The following LRRC27 variants were observed in gnomAD, a reference collection of about 807,000 sequenced individuals.
LRRC27 encodes the protein leucine-rich repeat-containing protein 27.
LRRC27 carries 57 observed loss-of-function variants against 55.0 expected under a neutral mutation model. The ratio of observed to expected loss-of-function variants is 1.04; its 90% CI spans 0.84 to 1.29. The LOEUF (loss-of-function observed/expected upper bound fraction) is 1.29. Ranked by LOEUF, LRRC27 falls within the 50% of genes most tolerant of loss-of-function variation. LRRC27 has a pLI of 0.00. For synonymous variants in LRRC27, 278 were observed against 251.9 expected (o/e 1.10, Z -0.98); for missense variants, 721 against 651.5 (o/e 1.11, Z -1.16).
chr10:132,330,135 A>C, upstream of LRRC27: 1 of 339,912 alleles, frequency 2.9e-6, no homozygotes, highest in Admixed American at 4.0e-5. Context: ...AAGGCTACCA[A>C]TGGATACAAT....
intron 1 of LRRC27, 158 bp downstream of exon 1, chr10:132,332,414 T>A (rs1427965050): frequency 6.6e-6 from 1 of 152,166 alleles, no homozygotes; most frequent in African/African-American, 2.4e-5. Context: ...GCCCAGAGCG[T>A]CGGACCCAAC....
At chr10:132,335,659 A>G (rs2067092307) in intron 2 of LRRC27, among the ~76,000 whole-genome samples, 1 of 151,602 alleles carries the variant, frequency 6.6e-6, no homozygotes, top group Non-Finnish European at 1.5e-5. Context: ...CTGGTTCCTC[A>G]TAGGCAGAGT....
chr10:132,351,651 C>T lies in LRRC27; in HGVS notation c.971C>T (p.Ser324Leu). 2 of 1,614,118 alleles carry T rather than the reference C, an allele frequency of 1.2e-6. No homozygotes were observed. The highest frequency in any genetic ancestry group is 1.7e-6 in the Non-Finnish European group (2 of 1,180,028). ...AGGAGCATCTTACCCGACCTCTTGT[C>T]ACCGTACCAAATGGCGATCCGAGCA... ...SSRSILPDLL[S>L]PYQMAIRAKR... Residue 324 changes from serine (S) to leucine (L), a missense_variant, in exon 7 of 11, where the codon TCA becomes TTA. Transcript: ENST00000368614.
intron 8 of LRRC27, among the ~76,000 whole-genome samples, chr10:132,358,175 G>A (rs1808368719): frequency 6.6e-6 from 1 of 152,238 alleles, no homozygotes; most frequent in Non-Finnish European, 1.5e-5. Context: ...CAAAAAGTAT[G>A]GCAGGCAGTC....
In LRRC27 at chr10:132,362,698, CCCTCTCACCTCACA is replaced by C. The variant is rs2068686864; in HGVS notation, c.1289+1124_1289+1137del. On this transcript the variant is annotated intron_variant, in intron 9 of 10. Transcript: ENST00000368614. Reference sequence around the variant, plus strand: ...AGCTCGGGGGGCCAGGGTTCATGAACCCTCTCACCTCACAGCAGCTCGGGGGTCCAGGGCTCACC... The same window carrying C: ...AGCTCGGGGGGCCAGGGTTCATGAACGCAGCTCGGGGGTCCAGGGCTCACC... Among the ~76,000 whole-genome samples, 4 of 60,858 alleles carry C rather than the reference CCCTCTCACCTCACA, an allele frequency of 6.6e-5. No individual in the cohort carries two copies. The South Asian group carries it at 2.9e-3, about 44-fold the overall frequency. 39.9% of individuals were successfully genotyped at this position (60,858 alleles called of 152,430 possible).
At position 132,379,645 on chromosome 10, in the gene LRRC27, T is replaced by C. The variant is rs2069386254; in HGVS notation, c.*4403T>C. The stretch of plus-strand genomic sequence containing the variant: ...TGTTTTTCAGGTCTAAGGTGTCTGG[T>C]AATTTTTTGTGGATGCCGATTCTCT... On this transcript the variant is annotated 3_prime_UTR_variant, in exon 11 of 11. Transcript: ENST00000368614. 1 of 152,224 alleles carries C rather than the reference T, an allele frequency of 6.6e-6. No homozygotes were observed. The highest frequency in any genetic ancestry group is 1.5e-5 in the Non-Finnish European group (1 of 68,048). The allele number at this position is 152,224 out of a possible 1,614,324, so 9.4% of individuals were successfully genotyped here.
intron 3 of LRRC27, 24 bp from the exon 4 acceptor site, chr10:132,342,189 T>G (rs766057400): frequency 4.1e-6 from 6 of 1,451,800 alleles, no homozygotes; most frequent in Admixed American, 2.5e-5. Flanking sequence ...TTTTTAAATT[T>G]TTTTGTTTTG....
chr10:132,366,990 ATTCT>A, intron 10 of LRRC27: 2 of 1,243,592 alleles, frequency 1.6e-6, no homozygotes, highest in Non-Finnish European at 2.1e-6. Context: ...ATAAACTCTT[ATTCT>A]TTCTAAATCC....
chr10:132,355,472 G>A (rs2068262754), intron 7 of LRRC27, among the ~76,000 whole-genome samples: 4 of 152,210 alleles, frequency 2.6e-5, no homozygotes, highest in Admixed American at 2.6e-4. Flanking sequence ...TGTGGTGGCA[G>A]CCCCAGCTGG....
intron 8 of LRRC27, among the ~76,000 whole-genome samples, chr10:132,361,099 A>G (rs992959028): frequency 1.8e-4 from 27 of 152,312 alleles, no homozygotes; most frequent in African/African-American, 6.3e-4. Context: ...GAGAGGGGCC[A>G]TCTAAGGACG....
chr10:132,370,426 G>A (rs914611497), intron 10 of LRRC27, among the ~76,000 whole-genome samples: 1 of 152,174 alleles, frequency 6.6e-6, no homozygotes, highest in Non-Finnish European at 1.5e-5. Flanking sequence ...CATGAGGTGG[G>A]TCCCTTCACT....
chr10:132,360,443 G>A (rs2068559410), intron 8 of LRRC27, among the ~76,000 whole-genome samples: 2 of 152,180 alleles, frequency 1.3e-5, no homozygotes, highest in Admixed American at 6.5e-5. Context: ...ACCTTTGGGA[G>A]AATCCTGATC....
chr10:132,350,114 G>A (rs2067934107), intron 6 of LRRC27, among the ~76,000 whole-genome samples: 1 of 152,218 alleles, frequency 6.6e-6, no homozygotes, highest in Non-Finnish European at 1.5e-5. Context: ...GGTCCAAGGT[G>A]ACTCGTGTGG....
At chr10:132,362,618 CT>C (rs879317509) in intron 9 of LRRC27, among the ~76,000 whole-genome samples, 5,916 of 151,706 alleles carry the variant, frequency 0.039, 337 homozygotes, top group African/African-American at 0.071. Flanking sequence ...GGGGTTCACC[CT>C]TCTCACCTCA....
chr10:132,357,170 C>T (rs1368564474), intron 8 of LRRC27, among the ~76,000 whole-genome samples: 1 of 152,230 alleles, frequency 6.6e-6, no homozygotes, highest in African/African-American at 2.4e-5. Flanking sequence ...AAACAAGGCT[C>T]AGAGTTAGGA....
At position 132,351,666 on chromosome 10, in the gene LRRC27, C is replaced by T. The variant is rs773205033; in HGVS notation, c.986C>T (p.Ala329Val). Reference sequence around the variant, plus strand: ...GACCTCTTGTCACCGTACCAAATGGCGATCCGAGCAAAAAGACTGGAAGAG... The same window carrying T: ...GACCTCTTGTCACCGTACCAAATGGTGATCCGAGCAAAAAGACTGGAAGAG... Reference protein sequence around the residue: ...LPDLLSPYQMAIRAKRLEESR... With the variant: ...LPDLLSPYQMVIRAKRLEESR... Residue 329 changes from alanine (A) to valine (V), a missense_variant, in exon 7 of 11, where the codon GCG becomes GTG. Physicochemically the swap from Ala to Val is moderately conservative, Grantham distance 64. Coordinates refer to ENST00000368614, the MANE Select transcript of LRRC27 (RefSeq NM_030626.3). 9 of 1,613,976 alleles carry T rather than the reference C, an allele frequency of 5.6e-6. No individual in the cohort carries two copies. The highest frequency in any genetic ancestry group is 2.2e-5 in the East Asian group (1 of 44,898).
chr10:132,380,619 A>T lies in LRRC27; in HGVS notation c.*5377A>T, dbSNP rs2069399398. ...GGCTGCAGTGAGCTGTGATTGCACC[A>T]CTGCACTCAAGCCTGGGCAACAGAG... On this transcript the variant is annotated 3_prime_UTR_variant, in exon 11 of 11. Coordinates refer to ENST00000368614, the MANE Select transcript of LRRC27 (RefSeq NM_030626.3). Among the ~76,000 whole-genome samples the T allele has an allele frequency of 6.6e-6, 1 of 152,178 alleles. No individual in the cohort carries two copies. Among genetic ancestry groups the T allele is most frequent in the Non-Finnish European group, 1.5e-5 (1 of 68,034 alleles).
intron 9 of LRRC27, 138 bp from the exon 10 acceptor site, chr10:132,365,286 G>C (rs2069013386): frequency 8.5e-7 from 1 of 1,180,938 alleles, no homozygotes; most frequent in Admixed American, 1.8e-5. Context: ...ACAGTAACTG[G>C]CACAGCTGTG....
intron 10 of LRRC27, among the ~76,000 whole-genome samples, chr10:132,369,057 A>G (rs557346255): frequency 3.9e-5 from 6 of 152,220 alleles, no homozygotes; most frequent in Non-Finnish European, 8.8e-5. Context: ...GAAGCTTCAC[A>G]TTGTGTGTCA....
Sources: allele counts gnomAD v4.1 joint callset (sites outside exome capture counted in the v4.1 genomes callset), GRCh38; gene constraint gnomAD v4.1.1; transcripts MANE v1.5; gene names NCBI Gene and HGNC (gene_info 2026-07-23, HGNC 2026-07-21).